Variants in DPP6 observed in about 807,000 individuals in gnomAD.
The protein encoded by DPP6 is dipeptidyl peptidase like 6.
DPP6 carries 69 observed loss-of-function variants against 122.6 expected under a neutral mutation model. That is an observed-to-expected ratio of 0.56 (90% CI 0.46 to 0.69). DPP6 has a LOEUF of 0.69. Ranked by LOEUF, DPP6 falls within the 30% of genes least tolerant of loss-of-function variation. The pLI, the probability that DPP6 is intolerant of heterozygous loss-of-function variation, is 0.00. For missense variants in DPP6, 928 were observed against 1,116.9 expected (o/e 0.83, Z 2.41); for synonymous variants, 418 against 433.1 (o/e 0.97, Z 0.43).
intron 2 of DPP6, among the ~76,000 whole-genome samples, chr7:154,472,287 C>T (rs528507726): frequency 1.3e-4 from 20 of 152,342 alleles, no homozygotes; most frequent in Non-Finnish European, 2.4e-4. Context: ...CCCTTCCCCT[C>T]TAGGATTTCC....
At chr7:154,731,701 G>A (rs190131137) in intron 8 of DPP6, among the ~76,000 whole-genome samples, 343 of 152,320 alleles carry the variant, frequency 2.3e-3, no homozygotes, top group African/African-American at 7.9e-3. Context: ...CTGGGAAAAT[G>A]TCATAAAATT....
chr7:154,136,616 T>C (rs1273753440), intron 1 of DPP6, among the ~76,000 whole-genome samples: 1 of 151,974 alleles, frequency 6.6e-6, no homozygotes, highest in Non-Finnish European at 1.5e-5. Flanking sequence ...CATAAACACA[T>C]ATCTTCTTCC....
At chr7:153,901,744 G>T (rs1366571567) in intron 1 of DPP6, among the ~76,000 whole-genome samples, 1 of 152,190 alleles carries the variant, frequency 6.6e-6, no homozygotes, top group Admixed American at 6.5e-5. Flanking sequence ...GAAATATGAA[G>T]AATGAAGATG....
intron 1 of DPP6, among the ~76,000 whole-genome samples, chr7:153,937,640 G>A (rs905478235): frequency 2.6e-5 from 4 of 152,012 alleles, no homozygotes; most frequent in African/African-American, 7.2e-5. Flanking sequence ...TAGAGATGGG[G>A]TTTCACCATG....
chr7:154,574,257 G>T (rs1831310636), intron 5 of DPP6, among the ~76,000 whole-genome samples: 1 of 148,988 alleles, frequency 6.7e-6, no homozygotes, highest in Non-Finnish European at 1.5e-5. Flanking sequence ...TGTGTGGTGT[G>T]TGTGTATGTG....
intron 7 of DPP6, among the ~76,000 whole-genome samples, chr7:154,693,905 A>G (rs1840070385): frequency 6.6e-6 from 1 of 152,154 alleles, no homozygotes; most frequent in Non-Finnish European, 1.5e-5. Flanking sequence ...AGAGTAATAG[A>G]TGCATGCATA....
At chr7:153,818,236 G>A in the DPP6 span, among the ~76,000 whole-genome samples, 2 of 152,004 alleles carry the variant, frequency 1.3e-5, no homozygotes, top group Non-Finnish European at 2.9e-5. Context: ...TGCCCATCAC[G>A]GTGGCAAAAG....
intron 1 of DPP6, among the ~76,000 whole-genome samples, chr7:153,906,145 A>G (rs1403463872): frequency 6.6e-6 from 1 of 152,246 alleles, no homozygotes; most frequent in Non-Finnish European, 1.5e-5. Flanking sequence ...ATTAATGGCA[A>G]ATACCACTAG....
intron 1 of DPP6, among the ~76,000 whole-genome samples, chr7:154,219,838 C>T (rs1041271321): frequency 3.9e-5 from 6 of 152,160 alleles, no homozygotes; most frequent in East Asian, 3.9e-4. Context: ...CTGCCTGCCT[C>T]GGCCTCCCAA....
At chr7:154,340,176 T>C (rs1373325826) in intron 1 of DPP6, among the ~76,000 whole-genome samples, 2 of 152,224 alleles carry the variant, frequency 1.3e-5, no homozygotes, top group African/African-American at 2.4e-5. Context: ...AAATCAAATA[T>C]TTGGCAGTTA....
chr7:154,129,890 ACT>A (rs1808230160), intron 1 of DPP6, among the ~76,000 whole-genome samples: 1 of 148,888 alleles, frequency 6.7e-6, no homozygotes, highest in Non-Finnish European at 1.5e-5. Context: ...ACAGAGCGAG[ACT>A]CTGTCTCAAA....
chr7:154,450,366 A>G (rs1174563537), intron 2 of DPP6, among the ~76,000 whole-genome samples: 4 of 152,244 alleles, frequency 2.6e-5, no homozygotes, highest in Non-Finnish European at 5.9e-5. Context: ...TGTTAATATT[A>G]TATATTTTAA....
In DPP6 at chr7:154,755,874, G is replaced by C. The variant is rs1221357621; in HGVS notation, c.884-13543G>C. ...GCCTCTGTCTTCATCGTGTGTCTTG[G>C]GTCCCCCTTCGTAATGATACTGTCC... On this transcript the variant is annotated intron_variant, in intron 8 of 25. Transcript: ENST00000377770. This position sits in a 1 kb window ranked among gnomAD's most constrained non-coding sequence, Gnocchi z 4.7. Among the ~76,000 whole-genome samples the C allele has an allele frequency of 6.6e-6, 1 of 152,140 alleles. No individual in the cohort carries two copies. The highest frequency in any genetic ancestry group is 1.9e-4 in the East Asian group (1 of 5,178).
At chr7:154,750,272 C>T (rs776262183) in intron 8 of DPP6, among the ~76,000 whole-genome samples, 4 of 152,176 alleles carry the variant, frequency 2.6e-5, no homozygotes, top group Non-Finnish European at 4.4e-5. Context: ...AGACAAGAAG[C>T]GGGAGTCGCA....
At chr7:154,616,005 G>T (rs1471130473) in intron 5 of DPP6, among the ~76,000 whole-genome samples, 1 of 152,120 alleles carries the variant, frequency 6.6e-6, no homozygotes, top group African/African-American at 2.4e-5. Flanking sequence ...ATTGCTCTTA[G>T]CATAATTACT....
intron 1 of DPP6, among the ~76,000 whole-genome samples, chr7:154,168,878 G>A (rs1018245437): frequency 2.0e-5 from 3 of 152,146 alleles, no homozygotes; most frequent in East Asian, 1.9e-4. Flanking sequence ...ATGTATTATC[G>A]TCTCCATTTT....
chr7:154,413,936 A>T (rs1420109987), intron 1 of DPP6, among the ~76,000 whole-genome samples: 2 of 152,100 alleles, frequency 1.3e-5, no homozygotes, highest in African/African-American at 4.8e-5. Context: ...TTCTTTTATC[A>T]TTTCTGTAGT....
chr7:153,784,293 G>C, the DPP6 span, among the ~76,000 whole-genome samples: 2 of 152,138 alleles, frequency 1.3e-5, no homozygotes, highest in Non-Finnish European at 2.9e-5. Flanking sequence ...TGTATTTGCT[G>C]TGCTTAGCAT....
At chr7:154,127,780 C>T (rs1165984796) in intron 1 of DPP6, among the ~76,000 whole-genome samples, 1 of 152,220 alleles carries the variant, frequency 6.6e-6, no homozygotes, top group Non-Finnish European at 1.5e-5. Context: ...ATGAAGACAG[C>T]TTTCCCTTTC....
Sources: gnomAD v4.1 joint callset for allele counts (sites outside exome capture counted in the v4.1 genomes callset) on GRCh38, gnomAD v4.1.1 for gene constraint, Gnocchi (gnomAD v3.1) non-coding constraint, MANE v1.5 for transcripts, NCBI Gene and HGNC (gene_info 2026-07-23, HGNC 2026-07-21) for gene names.